The following TRIM2 variants were observed in gnomAD, a reference collection of about 807,000 sequenced individuals.
The protein encoded by TRIM2 is tripartite motif-containing protein 2.
A neutral mutation model predicts 75.2 loss-of-function variants in TRIM2; 20 were observed. The observed-to-expected ratio is 0.27, with a 90% CI of 0.19 to 0.39. The LOEUF is 0.39. Among genes scored for constraint, TRIM2 ranks in the 10% least tolerant of loss-of-function variants. The pLI is 1.00. For missense variants in TRIM2, 660 were observed against 990.8 expected (o/e 0.67, Z 4.48); for synonymous variants, 373 against 388.3 (o/e 0.96, Z 0.46).
chr4:153,244,118 G>T, intron 1 of TRIM2, among the ~76,000 whole-genome samples: 1 of 149,220 alleles, frequency 6.7e-6, no homozygotes, highest in African/African-American at 2.5e-5. Context: ...CTGTGCCACT[G>T]CCATCTTCTT....
chr4:153,190,497 AG>A lies in TRIM2; in HGVS notation c.-49+37229del, dbSNP rs1733070391. On this transcript the variant is annotated intron_variant, in intron 1 of 11. Coordinates refer to the TRIM2 transcript ENST00000437508. ...CACCAGTTTACATATGAAGAAGTTG[AG>A]GCTTAAAGATTTTTTTTTAAAGCAG... Among the ~76,000 whole-genome samples, 4 of 148,490 alleles carry A rather than the reference AG, an allele frequency of 2.7e-5. No homozygotes were observed. In the South Asian group the frequency reaches 8.8e-4, roughly 33 times the overall value.
At chr4:153,239,885 G>T (rs928503967) in intron 1 of TRIM2, among the ~76,000 whole-genome samples, 3 of 141,750 alleles carry the variant, frequency 2.1e-5, no homozygotes, top group African/African-American at 8.0e-5. Flanking sequence ...CACCCAGGCT[G>T]GAGTGCAGTG....
At chr4:153,289,448 C>T (rs1761375799) in intron 3 of TRIM2, among the ~76,000 whole-genome samples, 1 of 152,098 alleles carries the variant, frequency 6.6e-6, no homozygotes, top group African/African-American at 2.4e-5. Flanking sequence ...ACATCACTTC[C>T]CTGTAATCAT....
intron 1 of TRIM2, among the ~76,000 whole-genome samples, chr4:153,229,019 G>T (rs948208684): frequency 1.3e-5 from 2 of 152,288 alleles, no homozygotes; most frequent in East Asian, 3.9e-4. Flanking sequence ...AAAGGGAAGA[G>T]GTGGGAGTGA....
chr4:153,246,390 C>T (rs1326208952), intron 1 of TRIM2, among the ~76,000 whole-genome samples: 2 of 152,168 alleles, frequency 1.3e-5, no homozygotes, highest in South Asian at 2.1e-4. Flanking sequence ...GATTCTTATC[C>T]ACCACAGAAC....
At chr4:153,162,867 C>A (rs2149596924) in intron 1 of TRIM2, among the ~76,000 whole-genome samples, 1 of 152,230 alleles carries the variant, frequency 6.6e-6, no homozygotes, top group East Asian at 1.9e-4. Context: ...CATGTGGCCA[C>A]TTGTGTCCAA....
chr4:153,330,046 A>G (rs573744846), intron 11 of TRIM2, among the ~76,000 whole-genome samples: 1 of 152,240 alleles, frequency 6.6e-6, no homozygotes, highest in African/African-American at 2.4e-5. Flanking sequence ...TCTGTGAACA[A>G]CTCTACATAC....
chr4:153,203,614 A>G (rs1455578720), upstream of TRIM2, among the ~76,000 whole-genome samples: 1 of 150,436 alleles, frequency 6.6e-6, no homozygotes, highest in Non-Finnish European at 1.5e-5. Flanking sequence ...ATAGTAGACC[A>G]GGCGCAGTGG....
intron 6 of TRIM2, among the ~76,000 whole-genome samples, chr4:153,299,045 T>C (rs1259308389): frequency 6.6e-6 from 1 of 152,192 alleles, no homozygotes; most frequent in East Asian, 1.9e-4. Flanking sequence ...AGCCATAATA[T>C]ATTAACTATA....
At chr4:153,288,529 T>C (rs1761165480) in intron 3 of TRIM2, among the ~76,000 whole-genome samples, 1 of 152,206 alleles carries the variant, frequency 6.6e-6, no homozygotes, top group East Asian at 1.9e-4. Flanking sequence ...TTTGTTTTTG[T>C]CTTTTTATGG....
chr4:153,170,406 GTGA>G (rs1730728626), intron 1 of TRIM2, among the ~76,000 whole-genome samples: 1 of 152,132 alleles, frequency 6.6e-6, no homozygotes, highest in African/African-American at 2.4e-5. Flanking sequence ...CCCCAGCCTG[GTGA>G]GCTTCAGGCT....
At chr4:153,305,494 G>A (rs1299621525) in intron 6 of TRIM2, among the ~76,000 whole-genome samples, 1 of 152,192 alleles carries the variant, frequency 6.6e-6, no homozygotes, top group Admixed American at 6.5e-5. Context: ...CAGAATACCT[G>A]AGACTGGGTA....
chr4:153,294,566 AG>A lies in TRIM2; in HGVS notation c.786+85del. 6 of 1,427,158 alleles carry A rather than the reference AG, an allele frequency of 4.2e-6. No individual in the cohort carries two copies. The South Asian group carries it at 8.1e-5, about 19-fold the overall frequency. 88.4% of individuals were successfully genotyped at this position (1,427,158 alleles called of 1,614,324 possible). A position where few individuals can be genotyped will look rare whatever the true frequency, so the allele number is the denominator to read the frequency against. Reference sequence around the variant, plus strand: ...AGCTTATTGTTTCCTAATAGCAACAAGGGGTCCTTAAGTGTCATCATTGTAT... The same window carrying A: ...AGCTTATTGTTTCCTAATAGCAACAAGGGTCCTTAAGTGTCATCATTGTAT... On this transcript the variant is annotated intron_variant, in intron 5 of 11. Coordinates refer to ENST00000338700, the MANE Select transcript of TRIM2 (RefSeq NM_015271.5).
Position 153,295,511 on chromosome 4 carries a change from A to G in TRIM2, c.985A>G (p.Ile329Val), listed in dbSNP as rs772082204. The part of the protein sequence containing the change: ...HPRENDQLDF[I>V]VETEGLKKSI... ...GCGGGAGAACGACCAGCTGGATTTC[A>G]TCGTGGAAACCGAGGGGCTGAAGAA... Residue 329 changes from isoleucine to valine, a missense_variant, in exon 6 of 12, where the codon ATC becomes GTC. Around this residue, in one of 2 missense-constraint regions of TRIM2, gnomAD observed 620 missense variants for 891.0 expected, o/e 0.70. Coordinates refer to ENST00000338700, the MANE Select transcript of TRIM2 (RefSeq NM_015271.5). The surrounding 1 kb of genome is among the most constrained non-coding windows in gnomAD (Gnocchi z 7.2). 2 of 1,614,000 alleles carry G rather than the reference A, an allele frequency of 1.2e-6. No homozygotes were observed. Among genetic ancestry groups the G allele is most frequent in the African/African-American group, 2.7e-5 (2 of 74,904 alleles).
intron 1 of TRIM2, among the ~76,000 whole-genome samples, chr4:153,159,557 C>G (rs1184637612): frequency 5.3e-5 from 8 of 152,248 alleles, no homozygotes; most frequent in Middle Eastern, 6.8e-3. Flanking sequence ...CCTCCAGCTT[C>G]AGCCTCCCAA....
At chr4:153,153,330 C>A (rs1272481066) in intron 1 of TRIM2, 1 of 152,156 alleles carries the variant, frequency 6.6e-6, no homozygotes, top group African/African-American at 2.4e-5. Context: ...GCTTCCAGAC[C>A]GGTGGCGGGG....
chr4:153,187,536 AT>A (rs1302164637), intron 1 of TRIM2, among the ~76,000 whole-genome samples: 1 of 152,202 alleles, frequency 6.6e-6, no homozygotes, highest in Non-Finnish European at 1.5e-5. Context: ...GCAGGAATGG[AT>A]AAGAGCAGAG....
intron 6 of TRIM2, among the ~76,000 whole-genome samples, chr4:153,298,441 G>C (rs1449392900): frequency 2.0e-5 from 3 of 152,122 alleles, no homozygotes; most frequent in African/African-American, 7.2e-5. Flanking sequence ...TCCTCACATA[G>C]TCATCTCTTT....
Position 153,193,951 on chromosome 4 carries a change from G to A in TRIM2, c.-49+40681G>A, listed in dbSNP as rs148458038. On this transcript the variant is annotated intron_variant, in intron 1 of 11. Transcript: ENST00000437508. ...TGAGAACAGGGATGCGGGGCCCCCA[G>A]GATATACAGAGAGAAGCACAGGCAC... Among the ~76,000 whole-genome samples, 1,489 of 152,236 alleles carry A rather than the reference G, an allele frequency of 9.8e-3. 12 individuals are homozygous for A. The highest frequency in any genetic ancestry group is 0.015 in the Non-Finnish European group (1,019 of 68,014).
Sources: gnomAD v4.1 joint callset for allele counts (sites outside exome capture counted in the v4.1 genomes callset) on GRCh38, gnomAD v4.1.1 for gene constraint, gnomAD v4.1.1 regional missense constraint, Gnocchi (gnomAD v3.1) non-coding constraint, MANE v1.5 for transcripts, NCBI Gene and HGNC (gene_info 2026-07-23, HGNC 2026-07-21) for gene names.